The following ZNF33A variants were observed in gnomAD, a reference collection of about 807,000 sequenced individuals.
ZNF33A encodes the protein zinc finger protein 33A.
Under a neutral mutation model 15.9 loss-of-function variants are expected in ZNF33A, and 9 were observed. The ratio of observed to expected loss-of-function variants is 0.57; its 90% CI spans 0.34 to 0.99. ZNF33A has a LOEUF of 0.99. ZNF33A is among the 50% of genes least tolerant of loss of function. The pLI, the probability that ZNF33A is intolerant of heterozygous loss-of-function variation, is 0.02. For missense variants in ZNF33A, 843 were observed against 941.6 expected (o/e 0.90, Z 1.37); for synonymous variants, 294 against 324.2 (o/e 0.91, Z 1.00).
chr10:38,056,118 A>G lies in ZNF33A; in HGVS notation c.1994A>G (p.Tyr665Cys). The change falls in exon 5 of 5, where the codon TAT (tyrosine) becomes TGT (cysteine). Residue 665 changes from tyrosine (Y) to cysteine (C), a missense_variant. Coordinates refer to ENST00000432900, the MANE Select transcript of ZNF33A (RefSeq NM_006954.2). ...AGAACCCATACACAAGAAAAGCCCT[A>G]TAAATGTAATGAATGTGGAAAATCT... is the stretch of plus-strand genomic sequence containing the variant. ...HQRTHTQEKP[Y>C]KCNECGKSFC... 6.2e-7 allele frequency: 1 copy of G among 1,614,142 alleles called. No homozygotes were observed. The highest frequency in any genetic ancestry group is 8.5e-7 in the Non-Finnish European group (1 of 1,180,018).
chr10:38,061,113 A>T (rs1024849901), downstream of ZNF33A, among the ~76,000 whole-genome samples: 1 of 152,134 alleles, frequency 6.6e-6, no homozygotes, highest in Admixed American at 6.5e-5. Context: ...CACTGGCTGC[A>T]TGGAACATCC....
rs574508109 is a variant in ZNF33A, at chr10:38,057,053, G to A, written c.*493G>A. 19 of 675,302 alleles carry A rather than the reference G, an allele frequency of 2.8e-5. No individual in the cohort carries two copies. Among genetic ancestry groups the A allele is most frequent in the South Asian group, 1.9e-4 (3 of 15,446 alleles). The allele number at this position is 675,302 out of a possible 1,614,324, so 41.8% of individuals were successfully genotyped here. On this transcript the variant is annotated 3_prime_UTR_variant, in exon 5 of 5. Coordinates refer to ENST00000432900, the MANE Select transcript of ZNF33A (RefSeq NM_006954.2). ...AGTATATGGTCAAGTCCAAGAAATC[G>A]ATGTTACCTTGCTGGTAGATAGAGA...
At chr10:38,051,785 A>G (rs2135745847) in intron 4 of ZNF33A, among the ~76,000 whole-genome samples, 1 of 152,206 alleles carries the variant, frequency 6.6e-6, no homozygotes, top group South Asian at 2.1e-4. Flanking sequence ...CATTCTGAGT[A>G]ACTGCCTCAC....
At chr10:38,015,111 G>A (rs1042623553) in intron 2 of ZNF33A, among the ~76,000 whole-genome samples, 1 of 152,092 alleles carries the variant, frequency 6.6e-6, no homozygotes, top group African/African-American at 2.4e-5. Flanking sequence ...CTGACCTCAA[G>A]TGAGCCACCT....
At chr10:38,034,848 A>G (rs909479685) in intron 4 of ZNF33A, among the ~76,000 whole-genome samples, 4 of 152,182 alleles carry the variant, frequency 2.6e-5, no homozygotes, top group Non-Finnish European at 4.4e-5. Context: ...ATAGGGGCTA[A>G]TGGTGTGCTT....
intron 2 of ZNF33A, among the ~76,000 whole-genome samples, chr10:38,014,177 A>C (rs2064338763): frequency 6.6e-6 from 1 of 150,402 alleles, no homozygotes; most frequent in South Asian, 2.1e-4. Context: ...AAGTAGCTGA[A>C]ATTACAGGCA....
intron 4 of ZNF33A, among the ~76,000 whole-genome samples, chr10:38,043,340 A>G (rs2065792286): frequency 9.2e-6 from 1 of 109,070 alleles, no homozygotes; most frequent in South Asian, 3.6e-4. Context: ...CACACCAGGG[A>G]CTGTTGTGGG....
At chr10:38,066,294 A>T, downstream of ZNF33A, among the ~76,000 whole-genome samples, 1 of 151,624 alleles carries the variant, frequency 6.6e-6, no homozygotes, top group East Asian at 2.0e-4. Context: ...TTATTTATTT[A>T]TTGAGACAGA....
At position 38,055,267 on chromosome 10, in the gene ZNF33A, G is replaced by A; in HGVS notation, c.1143G>A (p.Gly381=). ...CTAAACATCAAAGATCACACACAGG[G>A]GAGAAACCTTTTGAATGCAATGAAT... The part of the protein sequence containing the change: ...NLTKHQRSHT[G]EKPFECNECG... The change falls in exon 5 of 5, where the codon GGG becomes GGA. Residue 381 remains glycine, a synonymous_variant. Transcript: ENST00000432900. 1 of 1,613,976 alleles carries A rather than the reference G, an allele frequency of 6.2e-7. No individual in the cohort carries two copies. The highest frequency in any genetic ancestry group is 8.5e-7 in the Non-Finnish European group (1 of 1,179,960).
At position 38,059,512 on chromosome 10, in the gene ZNF33A, C is replaced by T. The variant is rs1048863; in HGVS notation, c.*2952C>T. 1 of 152,216 alleles carries T rather than the reference C, an allele frequency of 6.6e-6. No individual in the cohort carries two copies. The allele number at this position is 152,216 out of a possible 1,614,324, so 9.4% of individuals were successfully genotyped here. A position where few individuals can be genotyped will look rare whatever the true frequency, so the allele number is the denominator to read the frequency against. ...GCAATTACAGCAGGATTGCAGGATA[C>T]AGTCCTCAGGTAGATGATAAAAAGG... On this transcript the variant is annotated 3_prime_UTR_variant, in exon 5 of 5. Coordinates refer to ENST00000432900, the MANE Select transcript of ZNF33A (RefSeq NM_006954.2).
downstream of ZNF33A, among the ~76,000 whole-genome samples, chr10:38,061,441 C>T (rs2066652668): frequency 6.6e-6 from 1 of 152,180 alleles, no homozygotes; most frequent in Admixed American, 6.5e-5. Context: ...TGTAACTCTC[C>T]TGCCCTCCCA....
At chr10:38,022,322 G>A (rs1206639598) in intron 4 of ZNF33A, among the ~76,000 whole-genome samples, 2 of 152,210 alleles carry the variant, frequency 1.3e-5, no homozygotes, top group Admixed American at 6.5e-5. Context: ...CCATTTAACA[G>A]TATAATAAGG....
At position 38,057,375 on chromosome 10, in the gene ZNF33A, T is replaced by C; in HGVS notation, c.*815T>C. ...CAGATAAATTGAATAATCAGGGCAATAGCATTAAGCACATCTGCGAATTAT... is the reference window on the plus strand; with the variant it reads ...CAGATAAATTGAATAATCAGGGCAACAGCATTAAGCACATCTGCGAATTAT... On this transcript the variant is annotated 3_prime_UTR_variant, in exon 5 of 5. Transcript: ENST00000432900. 1.0e-6 allele frequency: 1 copy of C among 985,398 alleles called. No homozygotes were observed. Among genetic ancestry groups the C allele is most frequent in the Non-Finnish European group, 1.2e-6 (1 of 829,938 alleles). The allele number at this position is 985,398 out of a possible 1,614,324, so 61.0% of individuals were successfully genotyped here. A position where few individuals can be genotyped will look rare whatever the true frequency, so the allele number is the denominator to read the frequency against.
intron 4 of ZNF33A, among the ~76,000 whole-genome samples, chr10:38,048,696 C>T (rs936096192): frequency 9.2e-5 from 14 of 151,894 alleles, no homozygotes; most frequent in African/African-American, 2.9e-4. Context: ...TTTTTCATAT[C>T]GATAGAGATC....
At chr10:38,029,520 A>G (rs2065124735) in intron 4 of ZNF33A, among the ~76,000 whole-genome samples, 1 of 151,882 alleles carries the variant, frequency 6.6e-6, no homozygotes, top group African/African-American at 2.4e-5. Context: ...GTTACTGTAA[A>G]CCTTTGTTTT....
chr10:38,028,957 G>A (rs2065100714), intron 4 of ZNF33A, among the ~76,000 whole-genome samples: 2 of 152,034 alleles, frequency 1.3e-5, no homozygotes, highest in South Asian at 4.1e-4. Flanking sequence ...CTTCTACCTA[G>A]CACCTTACTC....
downstream of ZNF33A, among the ~76,000 whole-genome samples, chr10:38,063,424 T>C (rs182792889): frequency 1.3e-5 from 2 of 152,148 alleles, no homozygotes; most frequent in Admixed American, 1.3e-4. Flanking sequence ...AAAAATTATT[T>C]ATAACAAAAT....
intron 4 of ZNF33A, among the ~76,000 whole-genome samples, chr10:38,038,189 A>G (rs2065536470): frequency 2.0e-5 from 3 of 152,020 alleles, no homozygotes; most frequent in Admixed American, 1.3e-4. Flanking sequence ...GTGGAGTGCA[A>G]TGGTGCGATC....
intron 3 of ZNF33A, 108 bp downstream of exon 3, chr10:38,017,123 G>C: frequency 6.7e-7 from 1 of 1,488,726 alleles, no homozygotes. Flanking sequence ...TAGGCTTCAG[G>C]AGTCAGTGTT....
Sources: gnomAD v4.1 joint callset for allele counts (sites outside exome capture counted in the v4.1 genomes callset) on GRCh38, gnomAD v4.1.1 for gene constraint, MANE v1.5 for transcripts, NCBI Gene and HGNC (gene_info 2026-07-23, HGNC 2026-07-21) for gene names.